Variants in HS2ST1 observed in about 807,000 individuals in gnomAD.
The protein encoded by HS2ST1 is heparan sulfate 2-O-sulfotransferase 1, also known as 2-O-sulfotransferase.
Under a neutral mutation model 42.9 loss-of-function variants are expected in HS2ST1, and 18 were observed. The ratio of observed to expected loss-of-function variants is 0.42; its 90% CI spans 0.29 to 0.62. HS2ST1 has a LOEUF of 0.62. HS2ST1 is among the 20% of genes least tolerant of loss of function. The pLI is 0.21. For missense variants in HS2ST1, 334 were observed against 433.8 expected (o/e 0.77, Z 2.04); for synonymous variants, 146 against 152.9 (o/e 0.95, Z 0.33).
At chr1:87,026,647 T>C (rs892835410) in intron 1 of HS2ST1, among the ~76,000 whole-genome samples, 1 of 152,166 alleles carries the variant, frequency 6.6e-6, no homozygotes, top group African/African-American at 2.4e-5. Flanking sequence ...GTTACAAGGT[T>C]TAAATTCTAT....
At chr1:86,919,714 A>T (rs1660250575) in intron 1 of HS2ST1, among the ~76,000 whole-genome samples, 1 of 152,180 alleles carries the variant, frequency 6.6e-6, no homozygotes, top group Non-Finnish European at 1.5e-5. Flanking sequence ...GATTCCTTTA[A>T]TGGCAAGGAT....
At chr1:86,951,192 G>T (rs368390855) in intron 1 of HS2ST1, among the ~76,000 whole-genome samples, 1 of 152,148 alleles carries the variant, frequency 6.6e-6, no homozygotes, top group Non-Finnish European at 1.5e-5. Flanking sequence ...CAGTTCTCTA[G>T]GAGCACTCTC....
At chr1:87,053,798 A>G (rs1021614497) in intron 1 of HS2ST1, among the ~76,000 whole-genome samples, 5 of 152,186 alleles carry the variant, frequency 3.3e-5, no homozygotes, top group African/African-American at 2.4e-5. Flanking sequence ...GATAGTGCAG[A>G]TTTGTTTTTG....
In HS2ST1 at chr1:87,104,855, G is replaced by A. The variant is rs867410716; in HGVS notation, c.*159G>A. The A allele has an allele frequency of 3.2e-5, 18 of 562,512 alleles. No homozygotes were observed. The Middle Eastern group carries it at 2.8e-3, about 86-fold the overall frequency. The allele number at this position is 562,512 out of a possible 1,614,324, so 34.8% of individuals were successfully genotyped here. On this transcript the variant is annotated 3_prime_UTR_variant, in exon 7 of 7. Coordinates refer to ENST00000370550, the MANE Select transcript of HS2ST1 (RefSeq NM_012262.4). ...AGTAACGTCAAGGAAGTAGATACTG[G>A]CTGGCATTGTCAGTGTTCTAAGTTT...
intron 1 of HS2ST1, among the ~76,000 whole-genome samples, chr1:86,955,994 G>C (rs531571950): frequency 3.3e-5 from 5 of 151,852 alleles, no homozygotes; most frequent in African/African-American, 9.7e-5. Context: ...TTTCAAAAAA[G>C]ATAAAATAAA....
At chr1:87,032,801 G>C (rs946152359) in intron 1 of HS2ST1, among the ~76,000 whole-genome samples, 3 of 152,132 alleles carry the variant, frequency 2.0e-5, no homozygotes, top group Non-Finnish European at 4.4e-5. Flanking sequence ...AAAAAACTAT[G>C]AAATGTATAT....
At chr1:86,959,754 GTA>G (rs1647779155) in intron 1 of HS2ST1, among the ~76,000 whole-genome samples, 1 of 111,058 alleles carries the variant, frequency 9.0e-6, no homozygotes. Flanking sequence ...CATAAGTACA[GTA>G]CAAGATCTAT....
At chr1:86,971,430 A>C (rs1306954323) in intron 1 of HS2ST1, among the ~76,000 whole-genome samples, 1 of 152,114 alleles carries the variant, frequency 6.6e-6, no homozygotes, top group Non-Finnish European at 1.5e-5. Flanking sequence ...TAATTTCTTA[A>C]ATTTGTTTTA....
intron 1 of HS2ST1, chr1:86,993,225 G>A (rs1420274427): frequency 7.1e-6 from 10 of 1,404,952 alleles, no homozygotes; most frequent in Non-Finnish European, 8.7e-6. Context: ...AGTTTGTAAT[G>A]TATGCAACCA....
chr1:87,035,476 G>C (rs547132005), intron 1 of HS2ST1, among the ~76,000 whole-genome samples: 2 of 152,246 alleles, frequency 1.3e-5, no homozygotes, highest in South Asian at 4.1e-4. Context: ...TCATGGCCTA[G>C]AAGATTTTCT....
chr1:87,054,301 GT>G (rs1023913437), intron 1 of HS2ST1, among the ~76,000 whole-genome samples: 81 of 152,078 alleles, frequency 5.3e-4, no homozygotes, highest in African/African-American at 1.9e-3. Context: ...TCTCATGTGG[GT>G]TTTTTTGTTT....
chr1:87,012,366 G>C (rs1015965077), intron 1 of HS2ST1, among the ~76,000 whole-genome samples: 4 of 152,154 alleles, frequency 2.6e-5, no homozygotes, highest in Non-Finnish European at 5.9e-5. Context: ...TTACATGGTA[G>C]CAAGCAAGAG....
chr1:87,010,345 T>C (rs1649563486), intron 1 of HS2ST1, among the ~76,000 whole-genome samples: 1 of 152,188 alleles, frequency 6.6e-6, no homozygotes, highest in Non-Finnish European at 1.5e-5. Context: ...TCTTAATTAC[T>C]ATTTACATAT....
rs1226618682 is a variant in HS2ST1 at position 87,109,491 on chromosome 1, G to A, written c.*4795G>A. 6.6e-6 allele frequency: 1 copy of A among 151,832 alleles called. No individual in the cohort carries two copies. Among genetic ancestry groups the A allele is most frequent in the Non-Finnish European group, 1.5e-5 (1 of 67,928 alleles). The allele number at this position is 151,832 out of a possible 1,614,324, so 9.4% of individuals were successfully genotyped here. On this transcript the variant is annotated 3_prime_UTR_variant, in exon 7 of 7. Transcript: ENST00000370550. ...CTATTAGAATTAAAAAAATTTGAAA[G>A]TAACTTAATCTAACATTTATGGCAC...
chr1:87,060,360 T>C (rs1214022317), intron 1 of HS2ST1, among the ~76,000 whole-genome samples: 1 of 152,174 alleles, frequency 6.6e-6, no homozygotes, highest in Non-Finnish European at 1.5e-5. Flanking sequence ...TATAATATTG[T>C]AGTGCTGTAT....
intron 1 of HS2ST1, among the ~76,000 whole-genome samples, chr1:87,025,270 TA>T (rs542723716): frequency 9.1e-4 from 138 of 152,290 alleles, no homozygotes; most frequent in African/African-American, 3.1e-3. Context: ...TGTAAAGAAT[TA>T]GTATGAAACT....
At chr1:87,094,626 G>T (rs756023166) in intron 4 of HS2ST1, among the ~76,000 whole-genome samples, 4 of 151,986 alleles carry the variant, frequency 2.6e-5, no homozygotes, top group Admixed American at 1.3e-4. Context: ...GAGAAGAAAT[G>T]CAACATGTCA....
At chr1:87,096,605 T>G (rs1412534886) in intron 4 of HS2ST1, among the ~76,000 whole-genome samples, 1 of 152,204 alleles carries the variant, frequency 6.6e-6, no homozygotes, top group Admixed American at 6.5e-5. Context: ...GGCCAGATAA[T>G]TCTTTGTTGT....
chr1:86,970,965 G>A lies in HS2ST1; in HGVS notation c.124+55805G>A, dbSNP rs111619848. Among the ~76,000 whole-genome samples the A allele has an allele frequency of 2.6e-3, 401 of 152,082 alleles. 3 individuals carry two copies. The highest frequency in any genetic ancestry group is 9.1e-3 in the African/African-American group (379 of 41,478). The stretch of plus-strand genomic sequence containing the variant: ...TGACAAGTTCTCTTTTACGGAAAAG[G>A]CCCCAAAATGTCTTCTACTGATGCC... On this transcript the variant is annotated intron_variant, in intron 1 of 6. Coordinates refer to ENST00000370550, the MANE Select transcript of HS2ST1 (RefSeq NM_012262.4).
Sources: allele counts gnomAD v4.1 joint callset (sites outside exome capture counted in the v4.1 genomes callset), GRCh38; gene constraint gnomAD v4.1.1; transcripts MANE v1.5; gene names NCBI Gene and HGNC (gene_info 2026-07-23, HGNC 2026-07-21).